The following SLC4A7 variants were observed in gnomAD, a reference collection of about 807,000 sequenced individuals.
SLC4A7 encodes the protein solute carrier family 4 member 7.
SLC4A7 carries 51 observed loss-of-function variants against 137.6 expected under a neutral mutation model. The ratio of observed to expected loss-of-function variants is 0.37; its 90% confidence interval spans 0.30 to 0.47. SLC4A7 has a LOEUF of 0.47. Ranked by LOEUF, SLC4A7 falls within the 20% of genes least tolerant of loss-of-function variation. The pLI, the probability that SLC4A7 is intolerant of heterozygous loss-of-function variation, is 1.00. For synonymous variants in SLC4A7, 542 were observed against 518.6 expected (o/e 1.05, Z -0.61); for missense variants, 1,247 against 1,525.4 (o/e 0.82, Z 3.04).
intron 15 of SLC4A7, among the ~76,000 whole-genome samples, chr3:27,401,255 A>G (rs1490936522): frequency 2.0e-5 from 3 of 152,166 alleles, no homozygotes; most frequent in African/African-American, 7.2e-5. Flanking sequence ...GATTCCCAAT[A>G]AGTTATACTA....
chr3:27,455,364 T>C (rs1047665740), intron 1 of SLC4A7, among the ~76,000 whole-genome samples: 4 of 152,214 alleles, frequency 2.6e-5, no homozygotes, highest in Non-Finnish European at 4.4e-5. Flanking sequence ...ACCAAAATTT[T>C]ATTTCCACAG....
chr3:27,417,132 G>A lies in SLC4A7; in HGVS notation c.1659+1354C>T, dbSNP rs141690404. On this transcript the variant is annotated intron_variant, in intron 11 of 25. Transcript: ENST00000454389. ...AAATTGGAGTGTGGAATTGGTCCACGAATAGACAGACCAATGGACAACAAA... is the reference window on the plus strand; with the variant it reads ...AAATTGGAGTGTGGAATTGGTCCACAAATAGACAGACCAATGGACAACAAA... 3.3e-5 allele frequency among the ~76,000 whole-genome samples: 5 copies of A among 152,240 alleles called. No homozygotes were observed. In the East Asian group the frequency reaches 9.7e-4, roughly 29 times the overall value.
At chr3:27,437,333 A>G (rs2056813788) in intron 4 of SLC4A7, 55 bp downstream of exon 4, 5 of 1,272,852 alleles carry the variant, frequency 3.9e-6, no homozygotes, top group Admixed American at 2.5e-5. Flanking sequence ...CCTGGGCAAC[A>G]AGAGCAAAAC....
At chr3:27,376,946 T>G (rs893791267) in intron 25 of SLC4A7, 101 bp from the exon 26 acceptor site, 1 of 445,716 alleles carries the variant, frequency 2.2e-6, no homozygotes, top group Non-Finnish European at 3.8e-6. Context: ...AGATTACTAT[T>G]AACACTACAA....
intron 1 of SLC4A7, among the ~76,000 whole-genome samples, chr3:27,482,027 G>A: frequency 6.6e-6 from 1 of 152,124 alleles, no homozygotes; most frequent in East Asian, 1.9e-4. Flanking sequence ...CAGCTACTCG[G>A]GAGGCTGAGG....
intron 1 of SLC4A7, among the ~76,000 whole-genome samples, chr3:27,458,082 C>G (rs375788947): frequency 6.6e-6 from 1 of 152,284 alleles, no homozygotes; most frequent in East Asian, 1.9e-4. Flanking sequence ...TTTCTCCAAA[C>G]AATCATTCTA....
At chr3:27,403,423 T>A (rs1576236267) in intron 14 of SLC4A7, 39 bp from the exon 15 acceptor site, 9 of 1,447,786 alleles carry the variant, frequency 6.2e-6, no homozygotes, top group Non-Finnish European at 8.5e-6. Context: ...TAAACATATG[T>A]GGAATAGTAT....
At chr3:27,418,371 T>C in intron 11 of SLC4A7, 115 bp downstream of exon 11, 2 of 752,078 alleles carry the variant, frequency 2.7e-6, no homozygotes, top group Non-Finnish European at 4.4e-6. Flanking sequence ...GGTAAGAAGG[T>C]AAACAGGACG....
chr3:27,466,378 G>A (rs1485999348), intron 1 of SLC4A7, among the ~76,000 whole-genome samples: 1 of 151,762 alleles, frequency 6.6e-6, no homozygotes, highest in Non-Finnish European at 1.5e-5. Context: ...GTGAACCCCG[G>A]GGGACGGAGC....
At chr3:27,456,650 C>G in intron 1 of SLC4A7, 1 of 1,579,498 alleles carries the variant, frequency 6.3e-7, no homozygotes, top group Non-Finnish European at 8.7e-7. Flanking sequence ...TAGGTACATA[C>G]AGGTAACTTC....
At chr3:27,392,449 G>A (rs1303212068) in intron 20 of SLC4A7, among the ~76,000 whole-genome samples, 2 of 152,142 alleles carry the variant, frequency 1.3e-5, no homozygotes, top group African/African-American at 2.4e-5. Flanking sequence ...AAAAACTACA[G>A]AGGAAAACCA....
chr3:27,422,190 C>T (rs2055050068), intron 8 of SLC4A7, among the ~76,000 whole-genome samples: 2 of 152,070 alleles, frequency 1.3e-5, no homozygotes, highest in Admixed American at 1.3e-4. Context: ...GTAAAGTCCC[C>T]CTAAAAACAA....
At chr3:27,445,763 C>A (rs969347756) in intron 3 of SLC4A7, among the ~76,000 whole-genome samples, 203 of 99,460 alleles carry the variant, frequency 2.0e-3, no homozygotes, top group Non-Finnish European at 2.4e-3. Flanking sequence ...ACTAAAAATA[C>A]AAAAAAAAAA....
intron 21 of SLC4A7, among the ~76,000 whole-genome samples, chr3:27,390,650 G>T (rs1004060646): frequency 5.3e-5 from 8 of 152,142 alleles, no homozygotes; most frequent in African/African-American, 1.9e-4. Context: ...AATCAGGTGA[G>T]ATAAGGAAAT....
intron 7 of SLC4A7, among the ~76,000 whole-genome samples, chr3:27,429,333 C>T (rs1480686686): frequency 1.4e-5 from 2 of 147,876 alleles, no homozygotes; most frequent in African/African-American, 2.6e-5. Context: ...TAATTTTGCA[C>T]ATACAATTTT....
chr3:27,405,834 G>C (rs2053289355), intron 13 of SLC4A7, among the ~76,000 whole-genome samples: 1 of 152,118 alleles, frequency 6.6e-6, no homozygotes, highest in Non-Finnish European at 1.5e-5. Context: ...AGAAAAGATA[G>C]AGAAAATGAA....
intron 3 of SLC4A7, among the ~76,000 whole-genome samples, chr3:27,438,810 G>T (rs1385616645): frequency 6.6e-6 from 1 of 152,114 alleles, no homozygotes; most frequent in Non-Finnish European, 1.5e-5. Flanking sequence ...AAAAAATGAT[G>T]AGAAAACTCA....
chr3:27,406,019 G>A (rs1265056957), intron 13 of SLC4A7, among the ~76,000 whole-genome samples: 4 of 152,128 alleles, frequency 2.6e-5, no homozygotes, highest in African/African-American at 4.8e-5. Flanking sequence ...CAACTGGAAC[G>A]TACTATCCAG....
chr3:27,474,329 A>T (rs1339024319), intron 1 of SLC4A7, among the ~76,000 whole-genome samples: 1 of 152,224 alleles, frequency 6.6e-6, no homozygotes, highest in Non-Finnish European at 1.5e-5. Flanking sequence ...TCAATGATAA[A>T]ACAGTTAAAC....
Sources: allele counts gnomAD v4.1 joint callset (sites outside exome capture counted in the v4.1 genomes callset), GRCh38; gene constraint gnomAD v4.1.1; transcripts MANE v1.5; gene names NCBI Gene and HGNC (gene_info 2026-07-23, HGNC 2026-07-21).